C2orf74: variants seen among roughly 807,000 people sequenced by gnomAD.
C2orf74 encodes the protein DPM1 ER membrane anchor 1, also known as uncharacterized protein C2orf74.
C2orf74 carries 14 observed loss-of-function variants against 17.9 expected under a neutral mutation model. The ratio of observed to expected loss-of-function variants is 0.78; its 90% CI spans 0.52 to 1.22. The LOEUF (loss-of-function observed/expected upper bound fraction) is 1.22. Among genes scored for constraint, C2orf74 ranks in the 50% most tolerant of loss-of-function variants. The probability of loss-of-function intolerance (pLI) is 0.00; values close to 1 mark genes in which losing one functional copy is unlikely to be tolerated. For missense variants in C2orf74, 217 were observed against 218.4 expected, an observed-to-expected ratio of 0.99 and a Z score of 0.04; for synonymous variants, 79 against 72.6, an observed-to-expected ratio of 1.09 and a Z score of -0.44.
At chr2:61,164,075 C>G (rs903202845) in intron 4 of C2orf74, among the ~76,000 whole-genome samples, 1 of 152,076 alleles carries the variant, frequency 6.6e-6, no homozygotes, top group African/African-American at 2.4e-5. Context: ...CATGGCCATG[C>G]CCGGTTGACG....
At position 61,162,238 on chromosome 2, in the gene C2orf74, C is replaced by T. The variant is rs375101016; in HGVS notation, c.-182C>T. 1.4e-5 allele frequency: 6 copies of T among 442,510 alleles called. No homozygotes were observed. The highest frequency in any genetic ancestry group is 1.2e-4 in the East Asian group (3 of 25,882). 27.4% of individuals were successfully genotyped at this position (442,510 alleles called of 1,614,324 possible). On this transcript the variant is annotated 5_prime_UTR_variant, in exon 1 of 5. Transcript: ENST00000432605. ...TAGTTTTTGGGGTGAGGGAGGTGAG[C>T]TGCGTGATCACACATGTCCCAGCTC...
intron 1 of C2orf74, among the ~76,000 whole-genome samples, chr2:61,155,842 T>A (rs1045415408): frequency 6.9e-6 from 1 of 144,210 alleles, no homozygotes; most frequent in Non-Finnish European, 1.5e-5. Flanking sequence ...GTGTTTTTTT[T>A]AAACAGTTTT....
chr2:61,147,041 C>T (rs770794158), intron 1 of C2orf74, among the ~76,000 whole-genome samples: 1 of 151,532 alleles, frequency 6.6e-6, no homozygotes, highest in Admixed American at 6.6e-5. Context: ...TGGTGGTGGG[C>T]GCCTGTAGGC....
chr2:61,149,610 G>A (rs1277924637), intron 1 of C2orf74, among the ~76,000 whole-genome samples: 2 of 126,490 alleles, frequency 1.6e-5, no homozygotes, highest in African/African-American at 3.1e-5. Context: ...AGACAGTTTC[G>A]CTCTGTTGCC....
intron 4 of C2orf74, 95 bp downstream of exon 4, chr2:61,163,327 G>A: frequency 7.4e-7 from 1 of 1,343,918 alleles, no homozygotes; most frequent in Non-Finnish European, 1.0e-6. Context: ...AGGAGATGGA[G>A]GACCGGGCGG....
chr2:61,160,198 C>T (rs2103640223), upstream of C2orf74, among the ~76,000 whole-genome samples: 1 of 149,154 alleles, frequency 6.7e-6, no homozygotes. Flanking sequence ...TGCTCTTGTT[C>T]TCCAGGCTGG....
chr2:61,146,553 G>A (rs1174370052), intron 1 of C2orf74, among the ~76,000 whole-genome samples: 1 of 151,886 alleles, frequency 6.6e-6, no homozygotes, highest in African/African-American at 2.4e-5. Context: ...ATTAAAAAAG[G>A]GGCCAGGTGC....
chr2:61,155,848 G>A (rs1486277504), intron 1 of C2orf74, among the ~76,000 whole-genome samples: 1 of 150,562 alleles, frequency 6.6e-6, no homozygotes, highest in Non-Finnish European at 1.5e-5. Context: ...TTTTTAAACA[G>A]TTTTAAAGCA....
intron 1 of C2orf74, among the ~76,000 whole-genome samples, chr2:61,153,281 T>C (rs1685293267): frequency 6.6e-6 from 1 of 151,424 alleles, no homozygotes; most frequent in South Asian, 2.1e-4. Context: ...AGATGTGAAA[T>C]TTATTTATTT....
At chr2:61,152,065 C>T (rs1191256467) in intron 1 of C2orf74, 1 of 152,324 alleles carries the variant, frequency 6.6e-6, no homozygotes, top group Non-Finnish European at 1.5e-5. Context: ...CATTTGGAGT[C>T]TGCACAAAGT....
intron 1 of C2orf74, among the ~76,000 whole-genome samples, chr2:61,153,627 G>A (rs1260647139): frequency 2.0e-5 from 3 of 148,520 alleles, no homozygotes; most frequent in East Asian, 4.3e-4. Flanking sequence ...GGTGGCTCAC[G>A]CCTGTAATCC....
rs1559189948 is a variant in C2orf74, at chr2:61,162,540, C to G, written c.26C>G (p.Thr9Ser). 6.4e-7 allele frequency: 1 copy of G among 1,551,730 alleles called. No individual in the cohort carries two copies. Among genetic ancestry groups the G allele is most frequent in the African/African-American group, 1.4e-5 (1 of 73,166 alleles). MSFETTAI[T>S]FFIILLICLI... ...ATGAGCTTTGAAACCACAGCAATCACTTTCTTCATCATCCTTCTAATTTGC... is the reference window on the plus strand; with the variant it reads ...ATGAGCTTTGAAACCACAGCAATCAGTTTCTTCATCATCCTTCTAATTTGC... Residue 9 changes from threonine (T) to serine (S), a missense_variant, in exon 2 of 5, where the codon ACT (threonine) becomes AGT (serine). Transcript: ENST00000432605.
At chr2:61,156,280 A>C (rs1412212453) in intron 1 of C2orf74, among the ~76,000 whole-genome samples, 1 of 151,824 alleles carries the variant, frequency 6.6e-6, no homozygotes, top group African/African-American at 2.4e-5. Flanking sequence ...GCTCATGCCT[A>C]TAATCCTGGC....
chr2:61,164,005 CCTT>C (rs1357353643), intron 4 of C2orf74, among the ~76,000 whole-genome samples: 3 of 152,064 alleles, frequency 2.0e-5, no homozygotes, highest in Non-Finnish European at 4.4e-5. Flanking sequence ...ACAGCTGGGT[CCTT>C]CTTGAGCTCT....
At chr2:61,163,944 C>T (rs2103651962) in intron 4 of C2orf74, among the ~76,000 whole-genome samples, 1 of 152,188 alleles carries the variant, frequency 6.6e-6, no homozygotes, top group South Asian at 2.1e-4. Flanking sequence ...AAGCTCAGGC[C>T]CAGACCGCAG....
At chr2:61,160,785 C>CA (rs1685542117), upstream of C2orf74, among the ~76,000 whole-genome samples, 1 of 152,212 alleles carries the variant, frequency 6.6e-6, no homozygotes, top group South Asian at 2.1e-4. Flanking sequence ...CCACCATGCC[C>CA]AGCCACCACA....
chr2:61,153,437 C>T (rs910792141), intron 1 of C2orf74, among the ~76,000 whole-genome samples: 21 of 151,374 alleles, frequency 1.4e-4, no homozygotes, highest in Non-Finnish European at 3.1e-4. Flanking sequence ...CCCACCACTA[C>T]GCCTAGCTAA....
At chr2:61,160,985 A>G (rs1003583908), upstream of C2orf74, among the ~76,000 whole-genome samples, 2 of 152,252 alleles carry the variant, frequency 1.3e-5, no homozygotes, top group Non-Finnish European at 2.9e-5. Context: ...AGGAACTGCT[A>G]TACTGTTTTC....
chr2:61,155,253 G>T (rs1685358311), intron 1 of C2orf74, among the ~76,000 whole-genome samples: 1 of 152,108 alleles, frequency 6.6e-6, no homozygotes, highest in South Asian at 2.1e-4. Flanking sequence ...CTAATTTCTA[G>T]GCTTGAGAAA....
Sources: allele counts gnomAD v4.1 joint callset (sites outside exome capture counted in the v4.1 genomes callset), GRCh38; gene constraint gnomAD v4.1.1; transcripts MANE v1.5; gene names NCBI Gene and HGNC (gene_info 2026-07-23, HGNC 2026-07-21).